GTF3C5: variants seen among roughly 807,000 people sequenced by gnomAD.
The protein encoded by GTF3C5 is general transcription factor 3C polypeptide 5.
Under a neutral mutation model 61.0 loss-of-function variants are expected in GTF3C5, and 47 were observed. The ratio of observed to expected loss-of-function variants is 0.77; its 90% confidence interval spans 0.61 to 0.98. GTF3C5 has a LOEUF of 0.98. Among genes scored for constraint, GTF3C5 ranks in the 50% least tolerant of loss-of-function variants. The probability of loss-of-function intolerance (pLI) is 0.00; values close to 1 mark genes in which losing one functional copy is unlikely to be tolerated. For synonymous variants in GTF3C5, 295 were observed against 275.4 expected (o/e 1.07, Z -0.71); for missense variants, 659 against 703.3 (o/e 0.94, Z 0.71).
chr9:133,053,662 G>A (rs976727260), intron 5 of GTF3C5, among the ~76,000 whole-genome samples, 166 bp from the exon 6 acceptor site: 22 of 152,198 alleles, frequency 1.4e-4, no homozygotes, highest in African/African-American at 4.3e-4. Flanking sequence ...GAAAGGCCAC[G>A]TGCCCTCACC....
chr9:133,057,057 C>T, intron 10 of GTF3C5, 149 bp downstream of exon 10: 1 of 750,160 alleles, frequency 1.3e-6, no homozygotes, highest in Admixed American at 3.6e-5. Context: ...CATTGTGAGC[C>T]AGAGCCCAGC....
At chr9:133,038,762 G>C (rs1849953694) in intron 1 of GTF3C5, among the ~76,000 whole-genome samples, 2 of 151,968 alleles carry the variant, frequency 1.3e-5, no homozygotes, top group Non-Finnish European at 2.9e-5. Context: ...CGGCTCCTAG[G>C]GGCTTTTTTT....
rs187378223 is a variant in GTF3C5 at position 133,047,824 on chromosome 9, T to C, written c.573-2959T>C. Among the ~76,000 whole-genome samples the C allele has an allele frequency of 2.9e-3, 446 of 152,310 alleles. 2 individuals carry two copies. The highest frequency in any genetic ancestry group is 0.01 in the African/African-American group (432 of 41,574). ...GGCGTAAGCCACCGCACCCAGCCTA[T>C]TTTTTAAAGTTACTTATTGGCCAGG... On this transcript the variant is annotated intron_variant, in intron 3 of 10. Transcript: ENST00000372097.
chr9:133,055,552 A>G (rs1364956326), intron 8 of GTF3C5: 11 of 985,236 alleles, frequency 1.1e-5, no homozygotes, highest in African/African-American at 1.7e-5. Flanking sequence ...CTAGAACTAC[A>G]TGGCTGGGTA....
At position 133,031,175 on chromosome 9, in the gene GTF3C5, G is replaced by A. The variant is rs1410495497; in HGVS notation, c.153+11G>A. On this transcript the variant is annotated intron_variant, in intron 1 of 10. Coordinates refer to ENST00000372097, the MANE Select transcript of GTF3C5 (RefSeq NM_012087.4). ...GAAGGCGTCTCCCGGGTAAGGGGCT[G>A]GGAATCTCGGTGTTGGAATAAGAGC... is the stretch of plus-strand genomic sequence containing the variant. 1.3e-6 allele frequency: 2 copies of A among 1,555,520 alleles called. No individual in the cohort carries two copies. Among genetic ancestry groups the A allele is most frequent in the Non-Finnish European group, 1.7e-6 (2 of 1,150,156 alleles).
At chr9:133,054,365 G>A (rs776360520) in intron 6 of GTF3C5, 43 bp from the exon 7 acceptor site, 9 of 1,524,288 alleles carry the variant, frequency 5.9e-6, no homozygotes, top group Middle Eastern at 1.7e-4. Flanking sequence ...TGTGCCGACG[G>A]GCCCTGTGCC....
intron 8 of GTF3C5, chr9:133,055,497 G>C: frequency 8.3e-7 from 1 of 1,200,524 alleles, no homozygotes; most frequent in South Asian, 1.5e-5. Context: ...CAGCCTGTGC[G>C]GCCTTCCTTC....
chr9:133,038,520 G>A (rs1274115028), intron 1 of GTF3C5, among the ~76,000 whole-genome samples: 3 of 148,976 alleles, frequency 2.0e-5, no homozygotes, highest in East Asian at 3.9e-4. Flanking sequence ...GCGCGATCTC[G>A]GCTCACTGTA....
intron 1 of GTF3C5, among the ~76,000 whole-genome samples, chr9:133,035,664 C>T (rs1399636843): frequency 6.6e-6 from 1 of 151,838 alleles, no homozygotes; most frequent in African/African-American, 2.4e-5. Context: ...GAACTGCGGT[C>T]GGGGGAGGAA....
At chr9:133,053,746 T>C in intron 5 of GTF3C5, 82 bp from the exon 6 acceptor site, 1 of 817,146 alleles carries the variant, frequency 1.2e-6, no homozygotes, top group Non-Finnish European at 2.0e-6. Flanking sequence ...TGAGCTCTTC[T>C]GCTGCCTCAC....
At chr9:133,032,910 A>G (rs373983175) in intron 1 of GTF3C5, among the ~76,000 whole-genome samples, 1 of 152,210 alleles carries the variant, frequency 6.6e-6, no homozygotes, top group African/African-American at 2.4e-5. Flanking sequence ...TTCCGTCAGG[A>G]ACAGTATTAT....
intron 3 of GTF3C5, 178 bp downstream of exon 3, chr9:133,044,104 C>A (rs1054944516): frequency 3.5e-5 from 13 of 374,000 alleles, no homozygotes; most frequent in Non-Finnish European, 6.3e-5. Flanking sequence ...AAGATCGCGT[C>A]ACTGCACTCC....
chr9:133,037,112 T>C (rs1588463095), intron 1 of GTF3C5, among the ~76,000 whole-genome samples: 3 of 152,146 alleles, frequency 2.0e-5, no homozygotes, highest in Admixed American at 2.0e-4. Context: ...GGGGGAGAAC[T>C]GTCCGTCGAT....
chr9:133,054,101 C>T (rs1475907288), intron 6 of GTF3C5, among the ~76,000 whole-genome samples, 159 bp downstream of exon 6: 3 of 152,218 alleles, frequency 2.0e-5, no homozygotes, highest in African/African-American at 4.8e-5. Flanking sequence ...GGCGTGGAAA[C>T]GAAAGTCCTA....
At chr9:133,035,835 A>T (rs1849846477) in intron 1 of GTF3C5, among the ~76,000 whole-genome samples, 1 of 152,202 alleles carries the variant, frequency 6.6e-6, no homozygotes, top group Non-Finnish European at 1.5e-5. Flanking sequence ...GTTACCTAAC[A>T]CTTGGGTGAT....
chr9:133,043,262 A>G (rs754827584), intron 2 of GTF3C5, among the ~76,000 whole-genome samples: 2 of 151,976 alleles, frequency 1.3e-5, no homozygotes, highest in Non-Finnish European at 2.9e-5. Flanking sequence ...AAAACATAAC[A>G]CCTCATATTT....
chr9:133,048,446 G>A (rs1162335968), intron 3 of GTF3C5, among the ~76,000 whole-genome samples: 4 of 152,160 alleles, frequency 2.6e-5, no homozygotes, highest in Non-Finnish European at 4.4e-5. Context: ...GCAGTGAGCC[G>A]AGATCGCGCC....
chr9:133,038,256 T>C lies in GTF3C5; in HGVS notation c.154-3831T>C, dbSNP rs184313123. 1.1e-3 allele frequency among the ~76,000 whole-genome samples: 174 copies of C among 152,176 alleles called. No individual in the cohort carries two copies. In the South Asian group the frequency reaches 0.014, roughly 12 times the overall value. ...CCTGGATATCTAATATCCGGGACACTGAGAGAGGGACGGAGTTGCTGGACG... is the reference window on the plus strand; with the variant it reads ...CCTGGATATCTAATATCCGGGACACCGAGAGAGGGACGGAGTTGCTGGACG... On this transcript the variant is annotated intron_variant, in intron 1 of 10. Transcript: ENST00000372097.
intron 3 of GTF3C5, among the ~76,000 whole-genome samples, chr9:133,047,998 G>A (rs1376310443): frequency 2.6e-5 from 4 of 152,304 alleles, no homozygotes; most frequent in South Asian, 2.1e-4. Context: ...GTGGTGGCAC[G>A]TGTGCCTGTG....
Sources: allele counts gnomAD v4.1 joint callset (sites outside exome capture counted in the v4.1 genomes callset), GRCh38; gene constraint gnomAD v4.1.1; transcripts MANE v1.5; gene names NCBI Gene and HGNC (gene_info 2026-07-23, HGNC 2026-07-21).